ZC3H12B: variants seen among roughly 807,000 people sequenced by gnomAD.
ZC3H12B encodes the protein zinc finger CCCH-type containing 12B.
In ZC3H12B, 7 loss-of-function variants were observed where a neutral mutation model predicts 43.9. That is an observed-to-expected ratio of 0.16 (90% CI 0.09 to 0.30). ZC3H12B has a LOEUF of 0.30. Ranked by LOEUF, ZC3H12B falls within the 10% of genes least tolerant of loss-of-function variation. ZC3H12B has a pLI of 1.00. For synonymous variants in ZC3H12B, 222 were observed against 241.7 expected (o/e 0.92, Z 0.76); for missense variants, 475 against 670.2 (o/e 0.71, Z 3.22).
the ZC3H12B span, among the ~76,000 whole-genome samples, chrX:65,243,820 G>A: frequency 3.6e-5 from 4 of 111,115 alleles, no homozygotes. Flanking sequence ...TTTATTTTCA[G>A]CAACATGGAT....
intron 3 of ZC3H12B, among the ~76,000 whole-genome samples, chrX:65,405,028 T>C (rs1009510946): frequency 8.9e-6 from 1 of 112,340 alleles, no homozygotes; most frequent in Non-Finnish European, 1.9e-5. Context: ...AAAATAAAAT[T>C]AGAAATTAAT....
intron 2 of ZC3H12B, among the ~76,000 whole-genome samples, chrX:65,386,069 G>T (rs2066520338): frequency 8.9e-6 from 1 of 112,083 alleles, no homozygotes; most frequent in Non-Finnish European, 1.9e-5. Context: ...GAAGATTTGT[G>T]CATTGATATT....
chrX:65,164,759 G>T, the ZC3H12B span, among the ~76,000 whole-genome samples: 4 of 111,586 alleles, frequency 3.6e-5, no homozygotes, highest in African/African-American at 1.3e-4. Flanking sequence ...CAGATTGTTG[G>T]TCTGGCTTAT....
chrX:65,114,571 G>A, the ZC3H12B span, among the ~76,000 whole-genome samples: 9 of 110,406 alleles, frequency 8.2e-5, no homozygotes, highest in African/African-American at 2.9e-4. Context: ...ATGTGTGCAG[G>A]TTTTATAGTC....
At chrX:65,297,819 A>G in the ZC3H12B span, among the ~76,000 whole-genome samples, 1 of 111,966 alleles carries the variant, frequency 8.9e-6, no homozygotes. Context: ...ATGGCACAGA[A>G]TAGAGAACCT....
At chrX:65,309,543 T>C in the ZC3H12B span, among the ~76,000 whole-genome samples, 1 of 111,859 alleles carries the variant, frequency 8.9e-6, no homozygotes, top group Non-Finnish European at 1.9e-5. Context: ...CCAGATGGAT[T>C]CACAGCTGAA....
the ZC3H12B span, among the ~76,000 whole-genome samples, chrX:65,209,919 A>G: frequency 5.3e-5 from 5 of 94,567 alleles, no homozygotes; most frequent in Non-Finnish European, 7.9e-5. Flanking sequence ...AAATCAATTC[A>G]AGATGGATTA....
At chrX:65,040,814 T>TCA in the ZC3H12B span, among the ~76,000 whole-genome samples, 1 of 111,608 alleles carries the variant, frequency 9.0e-6, no homozygotes, top group Non-Finnish European at 1.9e-5. Flanking sequence ...AGACAGTGTG[T>TCA]CACTCTGTTC....
chrX:65,373,229 C>T (rs979997261), intron 2 of ZC3H12B, among the ~76,000 whole-genome samples: 1 of 111,636 alleles, frequency 9.0e-6, no homozygotes, highest in African/African-American at 3.3e-5. Context: ...ATCATTAAAA[C>T]GTCAGGAAAC....
chrX:65,203,131 A>C, the ZC3H12B span, among the ~76,000 whole-genome samples: 1 of 111,883 alleles, frequency 8.9e-6, no homozygotes, highest in African/African-American at 3.3e-5. Flanking sequence ...CTTTCTCTTC[A>C]GGGCAGTGAG....
At chrX:65,220,922 A>G in the ZC3H12B span, among the ~76,000 whole-genome samples, 1 of 111,799 alleles carries the variant, frequency 8.9e-6, no homozygotes, top group Non-Finnish European at 1.9e-5. Context: ...CACATGGAAC[A>G]TTCTCCAAGA....
At chrX:65,467,973 T>G (rs2067848448) in intron 3 of ZC3H12B, among the ~76,000 whole-genome samples, 1 of 112,332 alleles carries the variant, frequency 8.9e-6, no homozygotes, top group African/African-American at 3.2e-5. Context: ...TAGGTCCCAT[T>G]TATTTTTGTT....
At chrX:65,237,915 A>G in the ZC3H12B span, among the ~76,000 whole-genome samples, 203 of 111,769 alleles carry the variant, frequency 1.8e-3, no homozygotes, top group Non-Finnish European at 2.9e-3. Flanking sequence ...GATGAAGCCA[A>G]CTTGATTGTG....
the ZC3H12B span, among the ~76,000 whole-genome samples, chrX:65,178,878 A>G: frequency 8.9e-6 from 1 of 112,342 alleles, no homozygotes; most frequent in Non-Finnish European, 1.9e-5. Flanking sequence ...TAGAACCAGA[A>G]GTACCTTTGA....
the ZC3H12B span, among the ~76,000 whole-genome samples, chrX:65,126,781 C>A: frequency 9.6e-6 from 1 of 103,736 alleles, no homozygotes; most frequent in East Asian, 3.1e-4. Context: ...TTGTTCAATT[C>A]TATTGCTGAG....
At chrX:65,423,920 C>T (rs939483667) in intron 3 of ZC3H12B, among the ~76,000 whole-genome samples, 2 of 111,466 alleles carry the variant, frequency 1.8e-5, no homozygotes, top group East Asian at 5.6e-4. Flanking sequence ...TCATGAATAG[C>T]TCTTATTATT....
chrX:65,444,127 G>C (rs1256921989), intron 3 of ZC3H12B, among the ~76,000 whole-genome samples: 2 of 111,922 alleles, frequency 1.8e-5, no homozygotes, highest in Non-Finnish European at 3.8e-5. Context: ...ATTTTCTCTT[G>C]TGTTACATTT....
At chrX:65,268,888 CA>C in the ZC3H12B span, among the ~76,000 whole-genome samples, 2 of 111,783 alleles carry the variant, frequency 1.8e-5, no homozygotes, top group Non-Finnish European at 1.9e-5. Flanking sequence ...TAAGAGCAAT[CA>C]GACAAGAAAA....
At chrX:65,313,586 C>T in the ZC3H12B span, among the ~76,000 whole-genome samples, 4 of 112,322 alleles carry the variant, frequency 3.6e-5, no homozygotes, top group Admixed American at 2.8e-4. Flanking sequence ...GCCCAAACAG[C>T]TTACCAAAGG....
Sources: allele counts gnomAD v4.1 joint callset (sites outside exome capture counted in the v4.1 genomes callset), GRCh38; gene constraint gnomAD v4.1.1; transcripts MANE v1.5; gene names NCBI Gene and HGNC (gene_info 2026-07-23, HGNC 2026-07-21).